Variants in SYNE2 observed in about 807,000 individuals in gnomAD.
The protein encoded by SYNE2 is nesprin-2.
Under a neutral mutation model 856.3 loss-of-function variants are expected in SYNE2, and 431 were observed. The ratio of observed to expected loss-of-function variants is 0.50; its 90% CI spans 0.47 to 0.55. The LOEUF (loss-of-function observed/expected upper bound fraction) is 0.55, where lower values mean the gene tolerates loss of function less well. Among genes scored for constraint, SYNE2 ranks in the 20% least tolerant of loss-of-function variants. The pLI is 0.00. For synonymous variants in SYNE2, 2,923 were observed against 2,872.3 expected (o/e 1.02, Z -0.56); for missense variants, 8,129 against 8,023.2 (o/e 1.01, Z -0.50).
At chr14:64,161,910 A>G (rs1372426243) in intron 87 of SYNE2, among the ~76,000 whole-genome samples, 162 bp from the exon 88 acceptor site, 1 of 152,198 alleles carries the variant, frequency 6.6e-6, no homozygotes, top group Non-Finnish European at 1.5e-5. Flanking sequence ...ATTTTTATAT[A>G]ATGGTTTCTA....
rs190064663 is a variant in SYNE2, at chr14:64,224,367, A to C, written c.20383-94A>C. The C allele has an allele frequency of 3.7e-3, 4,482 of 1,214,122 alleles. 130 individuals carry two copies. Among genetic ancestry groups the C allele is most frequent in the Non-Finnish European group, 4.5e-3 (3,652 of 816,366 alleles). The allele number at this position is 1,214,122 out of a possible 1,614,324, so 75.2% of individuals were successfully genotyped here. On this transcript the variant is annotated intron_variant, in intron 113 of 115. Transcript: ENST00000555002. Reference sequence around the variant, plus strand: ...CTGTCTAAAACAAAACAAAACAAAAAAAGATTGATTTAAGGTAGGGGAGGG... The same window carrying C: ...CTGTCTAAAACAAAACAAAACAAAACAAGATTGATTTAAGGTAGGGGAGGG...
At chr14:64,126,895 T>C (rs1455078359) in intron 73 of SYNE2, 88 bp downstream of exon 73, 9 of 1,350,792 alleles carry the variant, frequency 6.7e-6, no homozygotes, top group Non-Finnish European at 9.3e-6. Flanking sequence ...TGGTGACATT[T>C]GTTAATAAGA....
intron 65 of SYNE2, 59 bp downstream of exon 65, chr14:64,107,666 G>T: frequency 1.5e-6 from 2 of 1,347,200 alleles, no homozygotes; most frequent in South Asian, 2.3e-5. Context: ...ACCTAGAGAT[G>T]ACCAGTGTTC....
chr14:63,971,151 G>A (rs1231598169), intron 11 of SYNE2, among the ~76,000 whole-genome samples: 4 of 144,440 alleles, frequency 2.8e-5, no homozygotes, highest in Non-Finnish European at 4.5e-5. Flanking sequence ...GGTCTTTGTC[G>A]TCCAGGCTGG....
intron 1 of SYNE2, among the ~76,000 whole-genome samples, chr14:63,820,955 T>A (rs188609710): frequency 1.0e-3 from 153 of 152,194 alleles, no homozygotes; most frequent in African/African-American, 3.5e-3. Flanking sequence ...TTCACCATGT[T>A]GGCCAGGCTG....
chr14:63,827,374 C>T (rs977024439), intron 1 of SYNE2, among the ~76,000 whole-genome samples: 4 of 151,510 alleles, frequency 2.6e-5, no homozygotes, highest in African/African-American at 9.7e-5. Flanking sequence ...CCTGTAATCC[C>T]AGCACTTTGG....
chr14:64,165,518 A>AT (rs772613295), intron 90 of SYNE2, 108 bp downstream of exon 90: 90,753 of 955,592 alleles, frequency 0.095, 38 homozygotes, highest in East Asian at 0.12. Context: ...ACTCACTCTT[A>AT]TTTTTTTTTT....
intron 73 of SYNE2, among the ~76,000 whole-genome samples, chr14:64,128,050 T>C (rs919684676): frequency 6.6e-6 from 1 of 152,146 alleles, no homozygotes; most frequent in Non-Finnish European, 1.5e-5. Flanking sequence ...TATAGGCAAT[T>C]AGGGATATGT....
In SYNE2 at chr14:63,779,633, C is replaced by T. The variant is rs115036147; in HGVS notation, c.-305+17647C>T. ...AAATAAATAAATAAATAAAAGGAAC[C>T]GGGCACAGTGGCCCACACTTGTAAT... On this transcript the variant is annotated intron_variant, in intron 1 of 23. Transcript: ENST00000674003. Among the ~76,000 whole-genome samples the T allele has an allele frequency of 6.4e-3, 969 of 152,166 alleles. 7 individuals are homozygous for T. Among genetic ancestry groups the T allele is most frequent in the African/African-American group, 0.021 (892 of 41,528 alleles).
At chr14:63,761,937 G>C in exon 1 of SYNE2, 1 of 286,120 alleles carries the variant, frequency 3.5e-6, no homozygotes, top group Non-Finnish European at 7.3e-6. Context: ...GACCCGCGGG[G>C]AGCGGCACGG....
chr14:64,065,405 C>G, intron 50 of SYNE2, 27 bp from the exon 51 acceptor site: 2 of 1,601,116 alleles, frequency 1.2e-6, no homozygotes, highest in Non-Finnish European at 1.7e-6. Flanking sequence ...GTATGTCCCT[C>G]TTATTTTTTT....
chr14:63,920,515 T>C (rs1373536381), intron 2 of SYNE2, among the ~76,000 whole-genome samples: 1 of 150,666 alleles, frequency 6.6e-6, no homozygotes, highest in South Asian at 2.1e-4. Flanking sequence ...TATAAACATA[T>C]AGGGGTCTGG....
At chr14:64,066,107 A>G (rs953077543) in intron 51 of SYNE2, among the ~76,000 whole-genome samples, 2 of 152,258 alleles carry the variant, frequency 1.3e-5, no homozygotes, top group East Asian at 1.9e-4. Context: ...TTTTGAAAAT[A>G]GTCTCAAAAC....
intron 65 of SYNE2, among the ~76,000 whole-genome samples, chr14:64,110,933 T>C (rs1229636237): frequency 6.6e-6 from 1 of 152,156 alleles, no homozygotes; most frequent in Non-Finnish European, 1.5e-5. Flanking sequence ...ATTCTTTTTG[T>C]CTTCTCTTCC....
chr14:63,950,301 C>T (rs1019486150), intron 7 of SYNE2, among the ~76,000 whole-genome samples: 1 of 152,168 alleles, frequency 6.6e-6, no homozygotes, highest in Non-Finnish European at 1.5e-5. Context: ...CTCCTATAAT[C>T]CCAGCACTTT....
Position 64,002,873 on chromosome 14 carries a change from A to G in SYNE2, c.3940A>G (p.Arg1314Gly). 6.2e-7 allele frequency: 1 copy of G among 1,614,226 alleles called. No individual in the cohort carries two copies. Among genetic ancestry groups the G allele is most frequent in the Non-Finnish European group, 8.5e-7 (1 of 1,180,038 alleles). Reference sequence around the variant, plus strand: ...AACACAATTTGAAGGAATGAACCACAGGGTGCAGAGGAGTGAAGATACTCT... The same window carrying G: ...AACACAATTTGAAGGAATGAACCACGGGGTGCAGAGGAGTGAAGATACTCT... Reference protein sequence around the residue: ...YKTQFEGMNHRVQRSEDTLKA... With the variant: ...YKTQFEGMNHGVQRSEDTLKA... Residue 1314 changes from arginine (R) to glycine (G), a missense_variant, in exon 30 of 116, where the codon AGG becomes GGG. Arg to Gly is a moderately radical substitution (Grantham distance 125). This residue lies in a region of SYNE2 where 2,422 missense variants were observed against 2,357.4 expected (regional missense o/e 1.03). Transcript: ENST00000555002.
chr14:64,211,439 G>A (rs1453757562), intron 103 of SYNE2, among the ~76,000 whole-genome samples: 3 of 152,122 alleles, frequency 2.0e-5, no homozygotes, highest in Non-Finnish European at 4.4e-5. Flanking sequence ...TTCTTTCTCT[G>A]GGAAGACACA....
At chr14:63,927,857 A>C (rs2095690517) in intron 2 of SYNE2, among the ~76,000 whole-genome samples, 1 of 150,630 alleles carries the variant, frequency 6.6e-6, no homozygotes. Flanking sequence ...ACACCACTGC[A>C]CTCCAGCCTG....
intron 2 of SYNE2, among the ~76,000 whole-genome samples, chr14:63,911,961 T>C (rs994375974): frequency 1.3e-5 from 2 of 152,202 alleles, no homozygotes; most frequent in African/African-American, 4.8e-5. Context: ...GTGATATACG[T>C]GCACTGGTCA....
Sources: gnomAD v4.1 joint callset for allele counts (sites outside exome capture counted in the v4.1 genomes callset) on GRCh38, gnomAD v4.1.1 for gene constraint, gnomAD v4.1.1 regional missense constraint, MANE v1.5 for transcripts, NCBI Gene and HGNC (gene_info 2026-07-23, HGNC 2026-07-21) for gene names.